The following TMEM176A variants were observed in gnomAD, a reference collection of about 807,000 sequenced individuals.
The protein encoded by TMEM176A is transmembrane protein 176A.
A neutral mutation model predicts 27.9 loss-of-function variants in TMEM176A; 20 were observed. The ratio of observed to expected loss-of-function variants is 0.72; its 90% CI spans 0.50 to 1.04. TMEM176A has a LOEUF of 1.04. Among genes scored for constraint, TMEM176A ranks in the 50% least tolerant of loss-of-function variants. The probability of loss-of-function intolerance (pLI) is 0.00; values close to 1 mark genes in which losing one functional copy is unlikely to be tolerated. For synonymous variants in TMEM176A, 125 were observed against 118.0 expected, an observed-to-expected ratio of 1.06 and a Z score of -0.38; for missense variants, 252 against 289.1, an observed-to-expected ratio of 0.87 and a Z score of 0.93.
chr7:150,801,980 C>T, intron 2 of TMEM176A: 1 of 615,732 alleles, frequency 1.6e-6, no homozygotes, highest in South Asian at 2.0e-5. Flanking sequence ...CTGGGCCAAA[C>T]TCAGGATGGG....
At chr7:150,801,388 G>A in intron 1 of TMEM176A, 148 bp from the exon 2 acceptor site, 2 of 728,298 alleles carry the variant, frequency 2.7e-6, no homozygotes, top group East Asian at 2.9e-5. Flanking sequence ...CATTCCCCTC[G>A]TGAGGGGCCA....
chr7:150,805,116 C>T lies in TMEM176A; in HGVS notation c.*248C>T. On this transcript the variant is annotated 3_prime_UTR_variant, in exon 7 of 7. Transcript: ENST00000004103. ...ATAATAAACTCTCATGTTATTGTTC[C>T]CAGGTTCTCGCTTAGTTATTCCAGG... The T allele has an allele frequency of 2.0e-6, 1 of 500,770 alleles. No individual in the cohort carries two copies. The allele number at this position is 500,770 out of a possible 1,614,324, so 31.0% of individuals were successfully genotyped here.
At chr7:150,802,467 A>C (rs1440866863) in intron 3 of TMEM176A, 142 bp downstream of exon 3, 4 of 787,244 alleles carry the variant, frequency 5.1e-6, no homozygotes, top group Non-Finnish European at 6.1e-6. Flanking sequence ...GCCTGTTCAG[A>C]TGAGCAAACA....
chr7:150,804,287 C>A, intron 5 of TMEM176A, 75 bp from the exon 6 acceptor site: 3 of 1,231,568 alleles, frequency 2.4e-6, no homozygotes, highest in South Asian at 1.2e-5. Context: ...TTTCCCAGGT[C>A]AATAAGGAGC....
intron 3 of TMEM176A, 89 bp downstream of exon 3, chr7:150,802,414 A>C: frequency 8.6e-7 from 1 of 1,169,248 alleles, no homozygotes; most frequent in Non-Finnish European, 1.3e-6. Flanking sequence ...GCGCCACAGA[A>C]TGCTGGCAGT....
intron 3 of TMEM176A, 57 bp downstream of exon 3, chr7:150,802,382 C>G: frequency 6.9e-7 from 1 of 1,455,148 alleles, no homozygotes; most frequent in South Asian, 1.2e-5. Flanking sequence ...CATTGCTCTC[C>G]TGATTGCCTT....
At position 150,804,957 on chromosome 7, in the gene TMEM176A, A is replaced by T. The variant is rs1584762118; in HGVS notation, c.*89A>T. 7.0e-7 allele frequency: 1 copy of T among 1,434,866 alleles called. No homozygotes were observed. The highest frequency in any genetic ancestry group is 1.1e-5 in the South Asian group (1 of 87,590). The allele number at this position is 1,434,866 out of a possible 1,614,324, so 88.9% of individuals were successfully genotyped here. A position where few individuals can be genotyped will look rare whatever the true frequency, so the allele number is the denominator to read the frequency against. ...TGGAAGAAGAACCAGACTGAGGAAA[A>T]GAGGCTCTTCAACAGCCCCAGTTAT... On this transcript the variant is annotated 3_prime_UTR_variant, in exon 7 of 7. Coordinates refer to ENST00000004103, the MANE Select transcript of TMEM176A (RefSeq NM_018487.3).
At chr7:150,803,884 C>G in intron 5 of TMEM176A, 52 bp downstream of exon 5, 2 of 1,566,540 alleles carry the variant, frequency 1.3e-6, no homozygotes, top group Non-Finnish European at 1.7e-6. Context: ...GATGGCCAGG[C>G]CAGGCCAGGG....
rs371357103 is a variant in TMEM176A at position 150,804,899 on chromosome 7, G to A, written c.*31G>A. ...CCTCTCCTGATTATTAGTGCCTGGT[G>A]CTTCTGCACCGGGCGTCCCTGCATC... is the stretch of plus-strand genomic sequence containing the variant. On this transcript the variant is annotated 3_prime_UTR_variant, in exon 7 of 7. Transcript: ENST00000004103. 45 of 1,612,742 alleles carry A rather than the reference G, an allele frequency of 2.8e-5. No homozygotes were observed. The highest frequency in any genetic ancestry group is 3.6e-5 in the Non-Finnish European group (42 of 1,178,868).
At position 150,802,141 on chromosome 7, in the gene TMEM176A, T is replaced by G. The variant is rs974406852; in HGVS notation, c.175-74T>G. 6.4e-5 allele frequency: 70 copies of G among 1,098,406 alleles called. No homozygotes were observed. In the Admixed American group the frequency reaches 1.1e-3, roughly 17 times the overall value. The allele number at this position is 1,098,406 out of a possible 1,614,324, so 68.0% of individuals were successfully genotyped here. On this transcript the variant is annotated intron_variant, in intron 2 of 6. Transcript: ENST00000004103. Reference sequence around the variant, plus strand: ...CTCTCTCTACCTCTCCCTCTCTTTTTGGGGTTTTAGCGGTTAATCCCTGCA... The same window carrying G: ...CTCTCTCTACCTCTCCCTCTCTTTTGGGGGTTTTAGCGGTTAATCCCTGCA...
At position 150,801,532 on chromosome 7, in the gene TMEM176A, A is replaced by G; in HGVS notation, c.-15-4A>G. The G allele has an allele frequency of 6.3e-7, 1 of 1,582,474 alleles. No individual in the cohort carries two copies. On this transcript the variant is annotated splice_region_variant and splice_polypyrimidine_tract_variant and intron_variant, in intron 1 of 6. Coordinates refer to ENST00000004103, the MANE Select transcript of TMEM176A (RefSeq NM_018487.3). ...GTTCCTCTCTGGTGCTCCCTTCCTC[A>G]TAGACTGTGTCCCTGACAATGGGAA...
Position 150,801,536 on chromosome 7 carries a change from A to T in TMEM176A, c.-15A>T. 1 of 1,583,456 alleles carries T rather than the reference A, an allele frequency of 6.3e-7. No individual in the cohort carries two copies. The highest frequency in any genetic ancestry group is 8.6e-7 in the Non-Finnish European group (1 of 1,169,538). ...CTCTCTGGTGCTCCCTTCCTCATAG[A>T]CTGTGTCCCTGACAATGGGAACAGC... On this transcript the variant is annotated splice_region_variant and 5_prime_UTR_variant, in exon 2 of 7. Transcript: ENST00000004103.
intron 2 of TMEM176A, 150 bp downstream of exon 2, chr7:150,801,874 G>C (rs1460950101): frequency 2.3e-6 from 2 of 855,638 alleles, no homozygotes; most frequent in African/African-American, 3.4e-5. Context: ...TTCTCAGTAA[G>C]AGCCTGGGGA....
intron 1 of TMEM176A, 144 bp downstream of exon 1, chr7:150,800,972 C>A (rs1034721722): frequency 3.0e-6 from 3 of 985,826 alleles, no homozygotes; most frequent in Non-Finnish European, 2.4e-6. Context: ...AAGCCAGGTG[C>A]GGCCCCGGCT....
intron 3 of TMEM176A, chr7:150,802,661 T>C (rs1798838393): frequency 9.6e-7 from 1 of 1,044,436 alleles, no homozygotes; most frequent in Non-Finnish European, 1.2e-6. Flanking sequence ...TTCCAGATAG[T>C]ATGTGGTCCC....
Position 150,803,769 on chromosome 7 carries a change from C to A in TMEM176A, c.492C>A (p.Pro164=), listed in dbSNP as rs754927423. Residue 164 remains proline, a synonymous_variant, in exon 5 of 7, where the codon CCC becomes CCA. Coordinates refer to ENST00000004103, the MANE Select transcript of TMEM176A (RefSeq NM_018487.3). ...CGAGTGACTGGAACACTCCAGCCCC[C>A]ACTCAGAGTCCAGAAGAAGTCAGAA... ...SSSSDWNTPA[P]TQSPEEVRRL... 1.2e-6 allele frequency: 2 copies of A among 1,614,228 alleles called. No homozygotes were observed. The highest frequency in any genetic ancestry group is 1.7e-6 in the Non-Finnish European group (2 of 1,180,044).
rs775005827 is a variant in TMEM176A, at chr7:150,804,874, C to A, written c.*6C>A. On this transcript the variant is annotated 3_prime_UTR_variant, in exon 7 of 7. Transcript: ENST00000004103. ...TGGAAGTGAGTGGAATCTAGCCATG[C>A]CTCTCCTGATTATTAGTGCCTGGTG... The A allele has an allele frequency of 3.1e-5, 50 of 1,613,954 alleles. No homozygotes were observed. Among genetic ancestry groups the A allele is most frequent in the South Asian group, 1.1e-5 (1 of 91,078 alleles).
At chr7:150,804,250 C>A in intron 5 of TMEM176A, 112 bp from the exon 6 acceptor site, 2 of 827,006 alleles carry the variant, frequency 2.4e-6, no homozygotes, top group Non-Finnish European at 3.9e-6. Context: ...CCAGAAGCCA[C>A]GAACTTGGAG....
intron 3 of TMEM176A, chr7:150,803,143 G>A (rs1798852303): frequency 1.7e-6 from 2 of 1,199,198 alleles, no homozygotes; most frequent in Admixed American, 4.1e-5. Context: ...TAAAAAGGAA[G>A]GTTTAGAAGG....
Sources: gnomAD v4.1 joint callset for allele counts on GRCh38, gnomAD v4.1.1 for gene constraint, MANE v1.5 for transcripts, NCBI Gene and HGNC (gene_info 2026-07-23, HGNC 2026-07-21) for gene names.